Variants in LIMS1 observed in about 807,000 individuals in gnomAD.
The protein encoded by LIMS1 is LIM and senescent cell antigen-like-containing domain protein 1.
A neutral mutation model predicts 44.1 loss-of-function variants in LIMS1; 18 were observed. The observed-to-expected ratio is 0.41, with a 90% CI of 0.28 to 0.61. The LOEUF is 0.61. Ranked by LOEUF, LIMS1 falls within the 20% of genes least tolerant of loss-of-function variation. LIMS1 has a pLI of 0.32. For synonymous variants in LIMS1, 93 were observed against 149.1 expected (o/e 0.62, Z 2.74); for missense variants, 201 against 422.0 (o/e 0.48, Z 4.59).
chr2:108,570,917 A>G (rs1016160074), intron 1 of LIMS1, among the ~76,000 whole-genome samples: 1 of 152,228 alleles, frequency 6.6e-6, no homozygotes, highest in African/African-American at 2.4e-5. Flanking sequence ...TTAATAGCTA[A>G]CTGAAGAAAA....
At chr2:108,567,063 A>AT (rs1486639879) in intron 1 of LIMS1, among the ~76,000 whole-genome samples, 3 of 152,150 alleles carry the variant, frequency 2.0e-5, no homozygotes, top group Non-Finnish European at 4.4e-5. Flanking sequence ...TCTACTTTCA[A>AT]TGTCTATAAA....
intron 1 of LIMS1, among the ~76,000 whole-genome samples, chr2:108,610,734 GAT>G (rs1247027762): frequency 6.6e-6 from 1 of 152,176 alleles, no homozygotes; most frequent in Non-Finnish European, 1.5e-5. Context: ...ACATTTGATT[GAT>G]ATGTCTGTTA....
chr2:108,586,178 C>T (rs956282288), intron 1 of LIMS1, among the ~76,000 whole-genome samples: 7 of 151,496 alleles, frequency 4.6e-5, no homozygotes, highest in African/African-American at 9.7e-5. Flanking sequence ...GACGACAGAG[C>T]GAGACTCCGT....
intron 5 of LIMS1, among the ~76,000 whole-genome samples, chr2:108,675,577 A>T (rs1692485648): frequency 6.6e-6 from 1 of 152,218 alleles, no homozygotes. Context: ...AGAGGAAGAC[A>T]AATGGACTAA....
At chr2:108,547,795 G>C (rs1171689483) in intron 1 of LIMS1, among the ~76,000 whole-genome samples, 1 of 152,128 alleles carries the variant, frequency 6.6e-6, no homozygotes, top group Non-Finnish European at 1.5e-5. Flanking sequence ...CGGTTCCCTT[G>C]GGTTTTACTG....
At chr2:108,673,269 C>T in intron 5 of LIMS1, 1 of 607,860 alleles carries the variant, frequency 1.6e-6, no homozygotes, top group Non-Finnish European at 2.9e-6. Context: ...GTTTCACCCT[C>T]CTATGTATGT....
intron 1 of LIMS1, among the ~76,000 whole-genome samples, chr2:108,571,596 C>T (rs1296025651): frequency 6.6e-6 from 1 of 152,138 alleles, no homozygotes; most frequent in Non-Finnish European, 1.5e-5. Flanking sequence ...TGTTGTAATA[C>T]CTTACATTGG....
At chr2:108,676,574 T>C (rs1407617353) in intron 6 of LIMS1, 32 bp from the exon 7 acceptor site, 2 of 1,543,268 alleles carry the variant, frequency 1.3e-6, no homozygotes, top group Non-Finnish European at 1.7e-6. Flanking sequence ...AATATGGCAA[T>C]TCAAAAATGA....
intron 1 of LIMS1, among the ~76,000 whole-genome samples, chr2:108,640,556 C>T (rs2148917105): frequency 6.6e-6 from 1 of 152,284 alleles, no homozygotes; most frequent in South Asian, 2.1e-4. Flanking sequence ...TCCCTCAGTA[C>T]ACCTCTGCCT....
chr2:108,585,011 C>T (rs1168353601), intron 1 of LIMS1, among the ~76,000 whole-genome samples: 1 of 151,818 alleles, frequency 6.6e-6, no homozygotes, highest in East Asian at 1.9e-4. Context: ...ATTAGCCGAG[C>T]GTGGTGGCAC....
chr2:108,572,894 G>A (rs1402510631), intron 1 of LIMS1, among the ~76,000 whole-genome samples: 1 of 152,170 alleles, frequency 6.6e-6, no homozygotes. Flanking sequence ...TCTTGTCCTA[G>A]AACCCACATA....
chr2:108,565,783 G>A (rs1685271088), intron 1 of LIMS1, among the ~76,000 whole-genome samples: 1 of 152,102 alleles, frequency 6.6e-6, no homozygotes. Context: ...GCACCAGCAG[G>A]TTCAGTGTCT....
At chr2:108,542,189 A>G (rs1165523109) in intron 1 of LIMS1, among the ~76,000 whole-genome samples, 1 of 152,196 alleles carries the variant, frequency 6.6e-6, no homozygotes, top group Non-Finnish European at 1.5e-5. Context: ...TTGACTCTAC[A>G]GTGTATTACA....
In LIMS1 at chr2:108,556,446, C is replaced by T. The variant is rs1573321573; in HGVS notation, c.32+21852C>T. On this transcript the variant is annotated intron_variant, in intron 1 of 9. Transcript: ENST00000544547. ...TGGTGTACAAATATCTGTTTGAGTC[C>T]CTGCTTTTAATTCTTTTGGGCATAT... 2.0e-5 allele frequency among the ~76,000 whole-genome samples: 3 copies of T among 152,040 alleles called. No individual in the cohort carries two copies. The East Asian group carries it at 5.8e-4, about 29-fold the overall frequency.
In LIMS1 at chr2:108,660,503, A is replaced by G. The variant is rs1186952452; in HGVS notation, c.192+739A>G. 10 of 355,728 alleles carry G rather than the reference A, an allele frequency of 2.8e-5. No individual in the cohort carries two copies. In the East Asian group the frequency reaches 7.4e-4, roughly 26 times the overall value. The allele number at this position is 355,728 out of a possible 1,614,324, so 22.0% of individuals were successfully genotyped here. A position where few individuals can be genotyped will look rare whatever the true frequency, so the allele number is the denominator to read the frequency against. ...GGCTAGAGTGTAGTGGCATGATTAT[A>G]GCTCATTGCAGCCTTGAACTGCTAA... On this transcript the variant is annotated intron_variant, in intron 2 of 9. Coordinates refer to ENST00000544547, the Ensembl canonical transcript of LIMS1.
chr2:108,587,707 A>T (rs1375488557), intron 1 of LIMS1, among the ~76,000 whole-genome samples: 3 of 152,164 alleles, frequency 2.0e-5, no homozygotes, highest in Non-Finnish European at 4.4e-5. Flanking sequence ...CTTACCTTCA[A>T]CTAAATTAGA....
chr2:108,594,603 C>G (rs1243264877), intron 1 of LIMS1, among the ~76,000 whole-genome samples: 4 of 152,036 alleles, frequency 2.6e-5, no homozygotes, highest in African/African-American at 9.7e-5. Flanking sequence ...TAGAATGGTG[C>G]TATCCTGTAG....
At chr2:108,553,243 A>G (rs1290065299) in intron 1 of LIMS1, among the ~76,000 whole-genome samples, 1 of 152,180 alleles carries the variant, frequency 6.6e-6, no homozygotes, top group Non-Finnish European at 1.5e-5. Flanking sequence ...GTGCAGATAA[A>G]TATCTTTTGA....
chr2:108,573,806 A>G (rs1030831535), intron 1 of LIMS1, among the ~76,000 whole-genome samples: 4 of 152,168 alleles, frequency 2.6e-5, no homozygotes, highest in African/African-American at 7.2e-5. Flanking sequence ...ACGATTACAC[A>G]TTGAAGTCAG....
Sources: gnomAD v4.1 joint callset for allele counts (sites outside exome capture counted in the v4.1 genomes callset) on GRCh38, gnomAD v4.1.1 for gene constraint, MANE v1.5 for transcripts, NCBI Gene and HGNC (gene_info 2026-07-23, HGNC 2026-07-21) for gene names.